LRRC7: variants seen among roughly 807,000 people sequenced by gnomAD.
The protein encoded by LRRC7 is leucine rich repeat containing 7, also known as leucine-rich repeat-containing protein 7.
Under a neutral mutation model 175.7 loss-of-function variants are expected in LRRC7, and 23 were observed. The ratio of observed to expected loss-of-function variants is 0.13; its 90% confidence interval spans 0.09 to 0.19. The LOEUF is 0.19. Among genes scored for constraint, LRRC7 ranks in the 10% least tolerant of loss-of-function variants. The pLI is 1.00. For missense variants in LRRC7, 1,354 were observed against 1,904.7 expected, an observed-to-expected ratio of 0.71 and a Z score of 5.38; for synonymous variants, 685 against 680.9, an observed-to-expected ratio of 1.01 and a Z score of -0.09.
chr1:69,922,643 C>T (rs1646926328), intron 7 of LRRC7, among the ~76,000 whole-genome samples: 1 of 152,006 alleles, frequency 6.6e-6, no homozygotes, highest in Non-Finnish European at 1.5e-5. Flanking sequence ...GAAGAAAGAG[C>T]ATTGGCAAAA....
intron 7 of LRRC7, among the ~76,000 whole-genome samples, chr1:69,890,894 TCA>T (rs891240941): frequency 6.6e-6 from 1 of 152,222 alleles, no homozygotes; most frequent in Non-Finnish European, 1.5e-5. Context: ...CTTACTTTTC[TCA>T]GTCTTCATAG....
In LRRC7 at chr1:69,987,339, A is replaced by G. The variant is rs547001140; in HGVS notation, c.931+953A>G. On this transcript the variant is annotated intron_variant, in intron 10 of 26. Transcript: ENST00000651989. ...TTTTTTGTGTAGGTATCTTGCTGTT[A>G]GTATTTGTAAGAGAACTCTACGAAA... 2.0e-5 allele frequency among the ~76,000 whole-genome samples: 3 copies of G among 152,358 alleles called. No homozygotes were observed. In the East Asian group the frequency reaches 5.8e-4, roughly 29 times the overall value.
intron 2 of LRRC7, among the ~76,000 whole-genome samples, chr1:69,688,824 G>A (rs1661504263): frequency 6.6e-6 from 1 of 152,066 alleles, no homozygotes; most frequent in Non-Finnish European, 1.5e-5. Context: ...AATATTAGAA[G>A]TAATCTCAGA....
chr1:69,854,691 G>C (rs1351532941), intron 7 of LRRC7, among the ~76,000 whole-genome samples: 4 of 152,034 alleles, frequency 2.6e-5, no homozygotes, highest in Admixed American at 1.3e-4. Context: ...ATTCCTTTGG[G>C]GGAAAAACAG....
intron 21 of LRRC7, among the ~76,000 whole-genome samples, chr1:70,042,435 C>T (rs146102835): frequency 2.0e-5 from 3 of 152,284 alleles, no homozygotes; most frequent in African/African-American, 2.4e-5. Context: ...GTCCATTCTA[C>T]GTAAAAGACA....
At chr1:69,719,201 C>A (rs552198370) in intron 2 of LRRC7, among the ~76,000 whole-genome samples, 28 of 151,768 alleles carry the variant, frequency 1.8e-4, no homozygotes, top group African/African-American at 4.8e-4. Flanking sequence ...ATCTAATAAT[C>A]GCAAAAGTAA....
At chr1:69,722,790 T>C (rs1740915) in intron 2 of LRRC7, among the ~76,000 whole-genome samples, 1 of 151,758 alleles carries the variant, frequency 6.6e-6, no homozygotes, top group Non-Finnish European at 1.5e-5. Context: ...TTGACTTTTT[T>C]TATTGTTGGT....
intron 10 of LRRC7, among the ~76,000 whole-genome samples, chr1:69,992,839 C>G (rs1221094265): frequency 6.6e-6 from 1 of 152,152 alleles, no homozygotes; most frequent in East Asian, 1.9e-4. Flanking sequence ...AAGGTTTTCT[C>G]TCCATTACTT....
At chr1:69,982,862 T>G (rs1653573961) in intron 9 of LRRC7, among the ~76,000 whole-genome samples, 1 of 152,240 alleles carries the variant, frequency 6.6e-6, no homozygotes, top group Non-Finnish European at 1.5e-5. Context: ...TGTAAGAATT[T>G]ATGCCTTTAC....
chr1:70,047,666 A>C (rs1205160343), intron 22 of LRRC7, among the ~76,000 whole-genome samples: 2 of 151,978 alleles, frequency 1.3e-5, no homozygotes, highest in Non-Finnish European at 2.9e-5. Context: ...TCATTTTTTC[A>C]TATTTATTAC....
intron 7 of LRRC7, among the ~76,000 whole-genome samples, chr1:69,852,486 A>C (rs1056242897): frequency 2.6e-5 from 4 of 152,094 alleles, no homozygotes; most frequent in East Asian, 3.9e-4. Flanking sequence ...TTAATGACTC[A>C]AGTACAATGT....
chr1:69,956,653 A>G (rs1162214096), intron 8 of LRRC7, among the ~76,000 whole-genome samples: 2 of 151,762 alleles, frequency 1.3e-5, no homozygotes, highest in Non-Finnish European at 3.0e-5. Context: ...TTCTAACCTG[A>G]TACCTAATTG....
intron 1 of LRRC7, among the ~76,000 whole-genome samples, chr1:69,577,306 TC>T (rs1368122969): frequency 1.3e-5 from 2 of 152,216 alleles, no homozygotes; most frequent in Non-Finnish European, 2.9e-5. Flanking sequence ...CTTTGTATAA[TC>T]ATGTGTGAAA....
intron 1 of LRRC7, among the ~76,000 whole-genome samples, chr1:69,575,822 C>T (rs910896763): frequency 1.3e-5 from 2 of 152,118 alleles, no homozygotes; most frequent in East Asian, 1.9e-4. Context: ...ACTTTAAGTG[C>T]TGTTAGGGCT....
Position 69,597,274 on chromosome 1 carries a change from A to G in LRRC7, c.2+28633A>G, listed in dbSNP as rs188088825. On this transcript the variant is annotated intron_variant, in intron 1 of 26. Transcript: ENST00000651989. ...AGGGGTTAGATAGACCTGGGAATTA[A>G]TCTCATTCCACCACATTCTAGCTAA... 9.9e-5 allele frequency among the ~76,000 whole-genome samples: 15 copies of G among 152,202 alleles called. No homozygotes were observed. In the East Asian group the frequency reaches 2.9e-3, roughly 29 times the overall value.
chr1:69,669,889 T>A (rs1658817143), intron 1 of LRRC7, among the ~76,000 whole-genome samples: 1 of 152,178 alleles, frequency 6.6e-6, no homozygotes, highest in Non-Finnish European at 1.5e-5. Context: ...AGTATGCCAA[T>A]TGGATTTTTC....
intron 7 of LRRC7, among the ~76,000 whole-genome samples, chr1:69,913,047 T>G (rs1237918699): frequency 6.6e-6 from 1 of 152,142 alleles, no homozygotes; most frequent in Non-Finnish European, 1.5e-5. Flanking sequence ...CCTAAACTGT[T>G]CAATGTTGAA....
chr1:69,971,276 GCAAT>G (rs1391406946), intron 8 of LRRC7, among the ~76,000 whole-genome samples: 2 of 152,092 alleles, frequency 1.3e-5, no homozygotes, highest in East Asian at 3.9e-4. Flanking sequence ...TGAAGCCAGA[GCAAT>G]CAGACAAGAG....
At chr1:69,684,197 G>C (rs941676924) in intron 2 of LRRC7, among the ~76,000 whole-genome samples, 1 of 152,178 alleles carries the variant, frequency 6.6e-6, no homozygotes, top group Admixed American at 6.5e-5. Flanking sequence ...TGAGCAGCAA[G>C]AACTCCCTCT....
Sources: gnomAD v4.1 joint callset for allele counts (sites outside exome capture counted in the v4.1 genomes callset) on GRCh38, gnomAD v4.1.1 for gene constraint, MANE v1.5 for transcripts, NCBI Gene and HGNC (gene_info 2026-07-23, HGNC 2026-07-21) for gene names.